Variants in LRRK1 observed in about 807,000 individuals in gnomAD.
LRRK1 encodes leucine-rich repeat serine/threonine-protein kinase 1.
In LRRK1, 113 loss-of-function variants were observed where a neutral mutation model predicts 209.1. The observed-to-expected ratio is 0.54, with a 90% CI of 0.46 to 0.63. The LOEUF is 0.63. Ranked by LOEUF, LRRK1 falls within the 30% of genes least tolerant of loss-of-function variation. LRRK1 has a pLI of 0.00. For missense variants in LRRK1, 2,284 were observed against 2,632.2 expected, an observed-to-expected ratio of 0.87 and a Z score of 2.89; for synonymous variants, 1,144 against 1,099.7, an observed-to-expected ratio of 1.04 and a Z score of -0.80.
chr15:101,002,189 A>G (rs2032727282), intron 6 of LRRK1, among the ~76,000 whole-genome samples: 1 of 152,226 alleles, frequency 6.6e-6, no homozygotes, highest in Non-Finnish European at 1.5e-5. Flanking sequence ...CACTGTGACA[A>G]TTTTATGGCT....
intron 6 of LRRK1, among the ~76,000 whole-genome samples, chr15:101,007,670 T>C (rs972908584): frequency 6.6e-6 from 1 of 152,128 alleles, no homozygotes; most frequent in Admixed American, 6.5e-5. Flanking sequence ...GGGAGGCCGT[T>C]GTCGTGGGGA....
At chr15:100,976,970 T>A (rs2031328626) in intron 3 of LRRK1, among the ~76,000 whole-genome samples, 1 of 152,212 alleles carries the variant, frequency 6.6e-6, no homozygotes, top group Admixed American at 6.5e-5. Context: ...GGTTGTTTAC[T>A]TTGCCCTCTT....
chr15:101,028,469 G>A (rs568237199), intron 19 of LRRK1, among the ~76,000 whole-genome samples: 43 of 152,298 alleles, frequency 2.8e-4, no homozygotes, highest in African/African-American at 9.6e-4. Flanking sequence ...CAGTGAAAGC[G>A]TCAACAAAAA....
At chr15:101,062,765 C>G in intron 31 of LRRK1, 75 bp downstream of exon 31, 1 of 1,093,860 alleles carries the variant, frequency 9.1e-7, no homozygotes, top group Non-Finnish European at 1.4e-6. Context: ...CTAGCTATGT[C>G]AGGGTGGCGC....
At chr15:100,957,750 G>T (rs1364873356) in intron 2 of LRRK1, among the ~76,000 whole-genome samples, 1 of 152,228 alleles carries the variant, frequency 6.6e-6, no homozygotes, top group Non-Finnish European at 1.5e-5. Flanking sequence ...AATCTATTCA[G>T]CTACTGTGTG....
In LRRK1 at chr15:101,057,033, G is replaced by A; in HGVS notation, c.4510G>A (p.Asp1504Asn). ...GCAGGCGCTCATGATGGAGTGCTGG[G>A]ACACTAAGCCAGAGAAGGTACTTGG... ...RLQALMMECW[D>N]TKPEKRPLAL... Residue 1504 changes from aspartate to asparagine, a missense_variant, in exon 28 of 34, where the codon GAC becomes AAC. Asp to Asn is a conservative substitution (Grantham distance 23). Coordinates refer to ENST00000388948, the MANE Select transcript of LRRK1 (RefSeq NM_024652.6). The A allele has an allele frequency of 6.2e-7, 1 of 1,610,812 alleles. No individual in the cohort carries two copies. The highest frequency in any genetic ancestry group is 8.5e-7 in the Non-Finnish European group (1 of 1,178,378).
At chr15:100,946,866 C>T (rs901236912) in intron 2 of LRRK1, among the ~76,000 whole-genome samples, 3 of 152,308 alleles carry the variant, frequency 2.0e-5, no homozygotes, top group Admixed American at 6.5e-5. Flanking sequence ...TGCCAGTCAA[C>T]GAATAGGTAG....
intron 33 of LRRK1, chr15:101,067,399 CTACGAAAAGTCCTCAGTTCAAATG>C (rs1394498014): frequency 4.7e-6 from 2 of 426,336 alleles, no homozygotes; most frequent in Admixed American, 2.4e-5. Flanking sequence ...TAAATCTCCC[CTACGAAAAGTCCTCAGTTCAAATG>C]TGTGTGTGTG....
intron 6 of LRRK1, among the ~76,000 whole-genome samples, chr15:100,989,936 TTA>T (rs1306173738): frequency 6.6e-6 from 1 of 152,136 alleles, no homozygotes; most frequent in Non-Finnish European, 1.5e-5. Flanking sequence ...TTTTAAATTT[TTA>T]TGTGTTAAAT....
chr15:101,020,264 G>A (rs2033715260), intron 12 of LRRK1, among the ~76,000 whole-genome samples: 1 of 151,850 alleles, frequency 6.6e-6, no homozygotes, highest in Admixed American at 6.6e-5. Flanking sequence ...ATGTGCAGGT[G>A]TGGTGTGTGT....
intron 10 of LRRK1, among the ~76,000 whole-genome samples, chr15:101,013,483 T>C (rs1256022130): frequency 6.6e-6 from 1 of 151,864 alleles, no homozygotes; most frequent in African/African-American, 2.4e-5. Context: ...GCACGGCGAC[T>C]CAGAACCGTA....
Position 101,065,769 on chromosome 15 carries a change from G to A in LRRK1, c.5332G>A (p.Gly1778Arg), listed in dbSNP as rs146084570. The change falls in exon 32 of 34, where the codon GGG becomes AGG. Residue 1778 changes from glycine (G) to arginine (R), a missense_variant. Gly to Arg is a moderately radical substitution (Grantham distance 125, BLOSUM62 -2). Coordinates refer to ENST00000388948, the MANE Select transcript of LRRK1 (RefSeq NM_024652.6). ...TYQLCARYFC[G>R]VPSPLRDMFP... Reference sequence around the variant, plus strand: ...CCAGCTGTGTGCCCGGTACTTCTGCGGGGTCCCCAGCCCCCTCAGGGACAT... The same window carrying A: ...CCAGCTGTGTGCCCGGTACTTCTGCAGGGTCCCCAGCCCCCTCAGGGACAT... 1.9e-6 allele frequency: 3 copies of A among 1,614,070 alleles called. No homozygotes were observed. The highest frequency in any genetic ancestry group is 2.2e-5 in the East Asian group (1 of 44,876).
chr15:100,978,520 G>GA (rs34336128), intron 3 of LRRK1, among the ~76,000 whole-genome samples: 18,048 of 151,754 alleles, frequency 0.12, 1,108 homozygotes, highest in African/African-American at 0.14. Context: ...GCCTTTAGGG[G>GA]AAAAAAAATC....
intron 2 of LRRK1, among the ~76,000 whole-genome samples, chr15:100,935,348 A>G (rs1181647196): frequency 3.9e-5 from 6 of 152,152 alleles, no homozygotes; most frequent in Non-Finnish European, 8.8e-5. Context: ...CCTGTAAAGG[A>G]GCTGGGGAAA....
chr15:100,976,761 C>G (rs2031318890), intron 3 of LRRK1, among the ~76,000 whole-genome samples: 1 of 152,156 alleles, frequency 6.6e-6, no homozygotes, highest in Admixed American at 6.5e-5. Context: ...TAAGATAGAA[C>G]AACCTTGAAA....
chr15:100,924,654 C>T lies in LRRK1; in HGVS notation c.22C>T (p.Pro8Ser), dbSNP rs373263143. MAGMSQRPPSMYWCVGPE... is the reference protein window; with the variant it reads MAGMSQRSPSMYWCVGPE... Reference sequence around the variant, plus strand: ...GTTGATGGCTGGCATGTCGCAAAGACCCCCCAGCATGTACTGGTGTGTGGG... The same window carrying T: ...GTTGATGGCTGGCATGTCGCAAAGATCCCCCAGCATGTACTGGTGTGTGGG... The change falls in exon 2 of 34, where the codon CCC (proline) becomes TCC (serine). Residue 8 changes from proline to serine, a missense_variant. Pro to Ser is a moderately conservative substitution (Grantham distance 74, BLOSUM62 -1). Transcript: ENST00000388948. 2.5e-6 allele frequency: 4 copies of T among 1,613,874 alleles called. No homozygotes were observed. The African/African-American group carries it at 5.3e-5, about 22-fold the overall frequency.
At position 101,054,623 on chromosome 15, in the gene LRRK1, A is replaced by G. The variant is rs193196998; in HGVS notation, c.4055-323A>G. Among the ~76,000 whole-genome samples, 415 of 152,324 alleles carry G rather than the reference A, an allele frequency of 2.7e-3. 3 individuals carry two copies. The highest frequency in any genetic ancestry group is 8.9e-3 in the African/African-American group (372 of 41,576). ...GGAATTCAAGACCAGCCTGGCCAAC[A>G]TGGTGAAACCCCATGTCTACTAAAA... On this transcript the variant is annotated intron_variant, in intron 26 of 33. Coordinates refer to ENST00000388948, the MANE Select transcript of LRRK1 (RefSeq NM_024652.6).
chr15:100,928,327 G>C (rs2042149586), intron 2 of LRRK1, among the ~76,000 whole-genome samples: 1 of 152,146 alleles, frequency 6.6e-6, no homozygotes, highest in African/African-American at 2.4e-5. Context: ...CCCCCCGCAG[G>C]ACTCACCCTC....
intron 2 of LRRK1, among the ~76,000 whole-genome samples, chr15:100,937,574 C>T (rs1443710738): frequency 6.7e-6 from 1 of 150,282 alleles, no homozygotes; most frequent in Non-Finnish European, 1.5e-5. Context: ...TCACTCTGTC[C>T]CCCAGGCTGG....
Sources: gnomAD v4.1 joint callset for allele counts (sites outside exome capture counted in the v4.1 genomes callset) on GRCh38, gnomAD v4.1.1 for gene constraint, MANE v1.5 for transcripts, NCBI Gene and HGNC (gene_info 2026-07-23, HGNC 2026-07-21) for gene names.